The following PPP4R3A variants were observed in gnomAD, a reference collection of about 807,000 sequenced individuals.
PPP4R3A encodes serine/threonine-protein phosphatase 4 regulatory subunit 3A.
PPP4R3A carries 15 observed loss-of-function variants against 91.7 expected under a neutral mutation model. The ratio of observed to expected loss-of-function variants is 0.16; its 90% CI spans 0.11 to 0.25. The LOEUF (loss-of-function observed/expected upper bound fraction) is 0.25. PPP4R3A is among the 10% of genes least tolerant of loss of function. The probability of loss-of-function intolerance (pLI) is 1.00; values close to 1 mark genes in which losing one functional copy is unlikely to be tolerated. For synonymous variants in PPP4R3A, 377 were observed against 348.7 expected (o/e 1.08, Z -0.91); for missense variants, 623 against 998.4 (o/e 0.62, Z 5.07).
chr14:91,479,670 A>G (rs890811554), intron 4 of PPP4R3A, among the ~76,000 whole-genome samples: 23 of 151,808 alleles, frequency 1.5e-4, no homozygotes, highest in African/African-American at 5.6e-4. Context: ...CAGCCTCCCG[A>G]GTCTGGGATT....
intron 4 of PPP4R3A, among the ~76,000 whole-genome samples, chr14:91,477,365 C>G (rs1200777513): frequency 6.6e-6 from 1 of 152,028 alleles, no homozygotes; most frequent in African/African-American, 2.4e-5. Flanking sequence ...ACTTGCTGAC[C>G]CCTCACTTTC....
Position 91,457,919 on chromosome 14 carries a change from C to CCAT in PPP4R3A, c.*837_*839dup, listed in dbSNP as rs1314088660. Reference sequence around the variant, plus strand: ...TTTGCTTTTGTCAATAAAAACTATACCATCTTTCATAAAACTCTAAACAAA... The same window carrying CCAT: ...TTTGCTTTTGTCAATAAAAACTATACCATCATCTTTCATAAAACTCTAAACAAA... On this transcript the variant is annotated 3_prime_UTR_variant, in exon 15 of 15. Transcript: ENST00000554943. The CCAT allele has an allele frequency of 1.3e-5, 2 of 152,412 alleles. No homozygotes were observed. The highest frequency in any genetic ancestry group is 2.1e-4 in the South Asian group (1 of 4,824). 9.4% of individuals were successfully genotyped at this position (152,412 alleles called of 1,614,324 possible). A position where few individuals can be genotyped will look rare whatever the true frequency, so the allele number is the denominator to read the frequency against.
At chr14:91,490,832 G>A (rs751728478) in intron 1 of PPP4R3A, 30 bp from the exon 2 acceptor site, 1 of 1,539,732 alleles carries the variant, frequency 6.5e-7, no homozygotes, top group Non-Finnish European at 8.9e-7. Context: ...ATTCCATTAT[G>A]TTACTGTAAA....
rs1891477140 is a variant in PPP4R3A at position 91,507,582 on chromosome 14, A to G, written c.142+1924T>C. 3.1e-5 allele frequency among the ~76,000 whole-genome samples: 4 copies of G among 130,144 alleles called. No homozygotes were observed. In the South Asian group the frequency reaches 1.0e-3, roughly 32 times the overall value. 85.4% of individuals were successfully genotyped at this position (130,144 alleles called of 152,430 possible). ...ATATACTATATATTATACATACTATAGTTATATATACATGTTATACATACT... is the reference window on the plus strand; with the variant it reads ...ATATACTATATATTATACATACTATGGTTATATATACATGTTATACATACT... On this transcript the variant is annotated intron_variant, in intron 1 of 14. Transcript: ENST00000554943.
At chr14:91,497,236 A>G (rs190391689) in intron 1 of PPP4R3A, among the ~76,000 whole-genome samples, 1 of 152,198 alleles carries the variant, frequency 6.6e-6, no homozygotes, top group African/African-American at 2.4e-5. Context: ...CAATAACTGA[A>G]GCACACACTC....
At chr14:91,480,684 T>A (rs1318952346) in intron 4 of PPP4R3A, among the ~76,000 whole-genome samples, 1 of 152,202 alleles carries the variant, frequency 6.6e-6, no homozygotes, top group Non-Finnish European at 1.5e-5. Context: ...TGTTCTATTC[T>A]ATGCAAAATT....
chr14:91,464,748 T>G (rs528271050), intron 11 of PPP4R3A, among the ~76,000 whole-genome samples: 1 of 152,264 alleles, frequency 6.6e-6, no homozygotes, highest in African/African-American at 2.4e-5. Context: ...CAAGTGTAGT[T>G]TTGCTTTCTT....
chr14:91,490,867 T>C, intron 1 of PPP4R3A, 65 bp from the exon 2 acceptor site: 1 of 707,456 alleles, frequency 1.4e-6, no homozygotes, highest in Non-Finnish European at 2.3e-6. Context: ...TTCCCTTACA[T>C]ACACACATAT....
At position 91,458,469 on chromosome 14, in the gene PPP4R3A, T is replaced by TA. The variant is rs1169240499; in HGVS notation, c.*289dup. ...TGACCAGTCAATCCAGAGTTCCACT[T>TA]ACAAAACCCCTGCCCTGTTGGCTTT... On this transcript the variant is annotated 3_prime_UTR_variant, in exon 15 of 15. Transcript: ENST00000554943. The TA allele has an allele frequency of 2.3e-6, 1 of 437,684 alleles. No individual in the cohort carries two copies. Among genetic ancestry groups the TA allele is most frequent in the East Asian group, 4.6e-5 (1 of 21,646 alleles). The allele number at this position is 437,684 out of a possible 1,614,324, so 27.1% of individuals were successfully genotyped here.
chr14:91,502,730 CCATGTCTCATTTTCTT>C lies in PPP4R3A; in HGVS notation c.142+6760_142+6775del, dbSNP rs1195969200. ...TGCTGCCTTGAACAAAAACATTTCTCCATGTCTCATTTTCTTCATGCCTCAAGTAACAGTGAGAATT... is the reference window on the plus strand; with the variant it reads ...TGCTGCCTTGAACAAAAACATTTCTCCATGCCTCAAGTAACAGTGAGAATT... On this transcript the variant is annotated intron_variant, in intron 1 of 14. Coordinates refer to ENST00000554943, the MANE Select transcript of PPP4R3A (RefSeq NM_001366432.2). Among the ~76,000 whole-genome samples, 4 of 152,278 alleles carry C rather than the reference CCATGTCTCATTTTCTT, an allele frequency of 2.6e-5. No individual in the cohort carries two copies. In the East Asian group the frequency reaches 5.8e-4, roughly 22 times the overall value.
At chr14:91,460,436 A>T (rs1276414341) in intron 14 of PPP4R3A, among the ~76,000 whole-genome samples, 1 of 149,150 alleles carries the variant, frequency 6.7e-6, no homozygotes, top group Non-Finnish European at 1.5e-5. Context: ...CTCACGCCAG[A>T]AAAAAAAAAG....
intron 1 of PPP4R3A, among the ~76,000 whole-genome samples, chr14:91,493,082 A>C (rs1890319955): frequency 6.6e-6 from 1 of 152,098 alleles, no homozygotes; most frequent in Non-Finnish European, 1.5e-5. Flanking sequence ...ATAACAATAA[A>C]ATAAAATAAA....
At chr14:91,489,953 T>C (rs1890137376) in intron 2 of PPP4R3A, among the ~76,000 whole-genome samples, 1 of 152,204 alleles carries the variant, frequency 6.6e-6, no homozygotes, top group Non-Finnish European at 1.5e-5. Flanking sequence ...ATAAAAACAA[T>C]ACTAACTTCT....
chr14:91,487,683 T>C (rs1220747505), intron 2 of PPP4R3A, among the ~76,000 whole-genome samples: 1 of 151,642 alleles, frequency 6.6e-6, no homozygotes, highest in Non-Finnish European at 1.5e-5. Context: ...CAGCAGTTTC[T>C]AATCTTTCTC....
At chr14:91,504,325 TAA>T (rs35776205) in intron 1 of PPP4R3A, among the ~76,000 whole-genome samples, 7 of 114,994 alleles carry the variant, frequency 6.1e-5, no homozygotes, top group Non-Finnish European at 5.7e-5. Flanking sequence ...TCTTAAAAAT[TAA>T]AAAAAAAAAA....
chr14:91,461,298 A>C, intron 14 of PPP4R3A, 83 bp downstream of exon 14: 1 of 1,298,430 alleles, frequency 7.7e-7, no homozygotes, highest in East Asian at 2.3e-5. Context: ...GGTGGCAGTA[A>C]CCAAAGGGAA....
intron 13 of PPP4R3A, among the ~76,000 whole-genome samples, 168 bp downstream of exon 13, chr14:91,461,878 TAAG>T (rs1888182885): frequency 6.6e-6 from 1 of 152,136 alleles, no homozygotes; most frequent in Non-Finnish European, 1.5e-5. Flanking sequence ...TAAGAAAACT[TAAG>T]TTTATGCCTA....
At chr14:91,507,858 A>G (rs988149238) in intron 1 of PPP4R3A, among the ~76,000 whole-genome samples, 1 of 152,024 alleles carries the variant, frequency 6.6e-6, no homozygotes, top group Non-Finnish European at 1.5e-5. Flanking sequence ...GATGGGGGTC[A>G]TGCCTGTAAT....
rs759382262 is a variant in PPP4R3A, at chr14:91,461,473, C to T, written c.2299G>A (p.Gly767Ser). 4.3e-6 allele frequency: 7 copies of T among 1,614,016 alleles called. No homozygotes were observed. Among genetic ancestry groups the T allele is most frequent in the Middle Eastern group, 1.6e-4 (1 of 6,084 alleles). The change falls in exon 14 of 15, where the codon GGT (glycine) becomes AGT (serine). Residue 767 changes from glycine to serine, a missense_variant. This residue lies in a region of PPP4R3A where 201 missense variants were observed against 229.9 expected (regional missense o/e 0.87). Transcript: ENST00000554943. Reference sequence around the variant, plus strand: ...GGGGATCCAGGTGATCCCGGAGAACCAGGCAGATTTGTTGTAGATGACTGG... The same window carrying T: ...GGGGATCCAGGTGATCCCGGAGAACTAGGCAGATTTGTTGTAGATGACTGG... The part of the protein sequence containing the change: ...TSQSSTTNLP[G>S]SPGSPGSPGS...
Sources: allele counts gnomAD v4.1 joint callset (sites outside exome capture counted in the v4.1 genomes callset), GRCh38; gene constraint gnomAD v4.1.1; regional missense constraint gnomAD v4.1.1; transcripts MANE v1.5; gene names NCBI Gene and HGNC (gene_info 2026-07-23, HGNC 2026-07-21).